Variants in RNF24 observed in about 807,000 individuals in gnomAD.
The protein encoded by RNF24 is ring finger protein 24.
RNF24 carries 14 observed loss-of-function variants against 20.0 expected under a neutral mutation model. The observed-to-expected ratio is 0.70, with a 90% confidence interval of 0.46 to 1.10. The LOEUF (loss-of-function observed/expected upper bound fraction) is 1.10. Among genes scored for constraint, RNF24 ranks in the 50% least tolerant of loss-of-function variants. The pLI, the probability that RNF24 is intolerant of heterozygous loss-of-function variation, is 0.00. For missense variants in RNF24, 124 were observed against 177.6 expected (o/e 0.70, Z 1.71); for synonymous variants, 45 against 61.1 (o/e 0.74, Z 1.23).
At chr20:3,957,347 G>C (rs893818134) in intron 2 of RNF24, among the ~76,000 whole-genome samples, 1 of 151,514 alleles carries the variant, frequency 6.6e-6, no homozygotes, top group Non-Finnish European at 1.5e-5. Context: ...TATAGTCTCA[G>C]CTACTTGAGA....
intron 1 of RNF24, among the ~76,000 whole-genome samples, chr20:3,969,076 A>G (rs1217639558): frequency 1.3e-5 from 2 of 150,028 alleles, no homozygotes; most frequent in Non-Finnish European, 2.9e-5. Context: ...TCATCTGATA[A>G]GACAGAATAA....
intron 2 of RNF24, among the ~76,000 whole-genome samples, chr20:3,955,445 T>C (rs1472020447): frequency 2.0e-5 from 3 of 152,206 alleles, no homozygotes; most frequent in African/African-American, 7.2e-5. Flanking sequence ...TTGTCATAGA[T>C]GTTTGGATTT....
chr20:3,984,518 C>T (rs946236300), intron 1 of RNF24, among the ~76,000 whole-genome samples: 1 of 152,172 alleles, frequency 6.6e-6, no homozygotes, highest in Admixed American at 6.5e-5. Context: ...CTAGTCTCTA[C>T]AACTTATATT....
At chr20:3,998,523 C>T (rs748844975) in intron 1 of RNF24, among the ~76,000 whole-genome samples, 3 of 134,348 alleles carry the variant, frequency 2.2e-5, no homozygotes, top group Non-Finnish European at 3.1e-5. Context: ...TGCAGTGAGC[C>T]GAGATTGCAA....
intron 1 of RNF24, among the ~76,000 whole-genome samples, chr20:3,984,187 A>C (rs1029320780): frequency 1.3e-5 from 2 of 151,806 alleles, no homozygotes; most frequent in Non-Finnish European, 2.9e-5. Context: ...CTATGACCAG[A>C]TCATACCACT....
chr20:3,942,145 G>A (rs1254054057), intron 4 of RNF24, among the ~76,000 whole-genome samples: 1 of 151,212 alleles, frequency 6.6e-6, no homozygotes. Context: ...AAAGGAAGCT[G>A]GAATGGCTAT....
chr20:4,003,741 C>T (rs1018201609), intron 1 of RNF24, among the ~76,000 whole-genome samples: 4 of 134,988 alleles, frequency 3.0e-5, no homozygotes, highest in Admixed American at 1.8e-4. Context: ...CTCCTGAGTT[C>T]AAGAGATTCT....
At chr20:3,966,469 A>ATAGTGTGT (rs3220583) in intron 1 of RNF24, among the ~76,000 whole-genome samples, 1 of 129,232 alleles carries the variant, frequency 7.7e-6, no homozygotes, top group African/African-American at 2.9e-5. Flanking sequence ...TTAAGGCTTT[A>ATAGTGTGT]GTGTGTGTGT....
In RNF24 at chr20:3,933,373, T is replaced by C; in HGVS notation, c.*690A>G. Reference sequence around the variant, plus strand: ...CTCAGGGCCCACTCCCTGCTGGGGCTCTGGACGGGCCTTACTGGTGCATAG... The same window carrying C: ...CTCAGGGCCCACTCCCTGCTGGGGCCCTGGACGGGCCTTACTGGTGCATAG... On this transcript the variant is annotated 3_prime_UTR_variant, in exon 6 of 6. Coordinates refer to ENST00000358395, the MANE Select transcript of RNF24 (RefSeq NM_001134337.3). The C allele has an allele frequency of 2.5e-6, 1 of 396,254 alleles. No homozygotes were observed. 24.5% of individuals were successfully genotyped at this position (396,254 alleles called of 1,614,324 possible).
intron 1 of RNF24, among the ~76,000 whole-genome samples, chr20:3,993,502 GTC>G (rs1162170871): frequency 6.6e-6 from 1 of 152,126 alleles, no homozygotes. Context: ...GGCCAGGCTG[GTC>G]TCAAACTCCT....
At chr20:3,992,091 A>C (rs1980495030) in intron 1 of RNF24, among the ~76,000 whole-genome samples, 1 of 152,106 alleles carries the variant, frequency 6.6e-6, no homozygotes, top group Non-Finnish European at 1.5e-5. Flanking sequence ...GCAATACAAT[A>C]CTCCTTGAGG....
intron 1 of RNF24, among the ~76,000 whole-genome samples, chr20:3,988,659 A>G (rs1031230993): frequency 4.0e-4 from 61 of 151,996 alleles, no homozygotes; most frequent in African/African-American, 1.4e-3. Flanking sequence ...GGGTCTTGCT[A>G]TTTTGCCCAG....
At chr20:3,977,726 G>A (rs918463426) in intron 1 of RNF24, among the ~76,000 whole-genome samples, 3 of 151,892 alleles carry the variant, frequency 2.0e-5, no homozygotes. Flanking sequence ...TTAGCCGGAT[G>A]TGGTGGTGGG....
intron 2 of RNF24, among the ~76,000 whole-genome samples, chr20:3,960,151 T>C (rs1386123500): frequency 6.6e-6 from 1 of 152,072 alleles, no homozygotes; most frequent in African/African-American, 2.4e-5. Context: ...ATGAGTCCAG[T>C]GGTGGTGACT....
chr20:3,949,730 T>C (rs946573390), intron 2 of RNF24, among the ~76,000 whole-genome samples: 1 of 152,180 alleles, frequency 6.6e-6, no homozygotes, highest in Admixed American at 6.6e-5. Flanking sequence ...ATGGGTAGTT[T>C]ATGAGAGTTC....
chr20:3,999,699 A>G (rs373656008), intron 1 of RNF24, among the ~76,000 whole-genome samples: 1 of 152,234 alleles, frequency 6.6e-6, no homozygotes, highest in East Asian at 1.9e-4. Context: ...GGTTGCAGTG[A>G]GCCGAGATCA....
At position 3,969,692 on chromosome 20, in the gene RNF24, T is replaced by C. The variant is rs182354577; in HGVS notation, c.-7-5668A>G. Among the ~76,000 whole-genome samples the C allele has an allele frequency of 5.3e-5, 8 of 151,920 alleles. No homozygotes were observed. In the South Asian group the frequency reaches 8.3e-4, roughly 16 times the overall value. ...CTGAAGGCAGAGCCTAGATTTTCACTCTTGCCAGGATGTAACGAGATGCCC... is the reference window on the plus strand; with the variant it reads ...CTGAAGGCAGAGCCTAGATTTTCACCCTTGCCAGGATGTAACGAGATGCCC... On this transcript the variant is annotated intron_variant, in intron 1 of 5. Transcript: ENST00000358395.
At chr20:3,976,325 A>G (rs781260467) in intron 1 of RNF24, among the ~76,000 whole-genome samples, 9 of 152,244 alleles carry the variant, frequency 5.9e-5, no homozygotes, top group Admixed American at 1.3e-4. Flanking sequence ...ACAATGAGAA[A>G]TTACTAAATT....
In RNF24 at chr20:3,975,383, T is replaced by TCACC. The variant is rs1366548754; in HGVS notation, c.-7-11360_-7-11359insGGTG. 1.3e-3 allele frequency among the ~76,000 whole-genome samples: 204 copies of TCACC among 152,162 alleles called. 2 individuals are homozygous for TCACC. Among genetic ancestry groups the TCACC allele is most frequent in the Admixed American group, 2.4e-3 (37 of 15,280 alleles). ...GACTTGACACCAAAAGCAAGGAGTA[T>TCACC]AAAAGGAAAAATTGATACACTGGAC... On this transcript the variant is annotated intron_variant, in intron 1 of 5. Transcript: ENST00000358395.
Sources: allele counts gnomAD v4.1 joint callset (sites outside exome capture counted in the v4.1 genomes callset), GRCh38; gene constraint gnomAD v4.1.1; transcripts MANE v1.5; gene names NCBI Gene and HGNC (gene_info 2026-07-23, HGNC 2026-07-21).